NFYC: variants seen among roughly 807,000 people sequenced by gnomAD.
NFYC encodes nuclear transcription factor Y subunit gamma, also known as CAAT box DNA-binding protein subunit C.
Under a neutral mutation model 53.1 loss-of-function variants are expected in NFYC, and 25 were observed. The observed-to-expected ratio is 0.47, with a 90% confidence interval of 0.34 to 0.66. NFYC has a LOEUF of 0.66. Among genes scored for constraint, NFYC ranks in the 30% least tolerant of loss-of-function variants. The pLI, the probability that NFYC is intolerant of heterozygous loss-of-function variation, is 0.01. For synonymous variants in NFYC, 145 were observed against 152.6 expected (o/e 0.95, Z 0.37); for missense variants, 260 against 422.7 (o/e 0.62, Z 3.38).
intron 1 of NFYC, among the ~76,000 whole-genome samples, chr1:40,737,738 A>G (rs1297790150): frequency 6.6e-6 from 1 of 152,164 alleles, no homozygotes; most frequent in African/African-American, 2.4e-5. Context: ...CGAACTGGCA[A>G]GTAGTTTCAT....
intron 6 of NFYC, among the ~76,000 whole-genome samples, chr1:40,760,772 T>C (rs540753755): frequency 1.6e-4 from 24 of 152,318 alleles, no homozygotes; most frequent in African/African-American, 5.1e-4. Flanking sequence ...TCATTTTACT[T>C]ATCCATATAA....
At chr1:40,712,025 G>T (rs1227715408) in intron 1 of NFYC, among the ~76,000 whole-genome samples, 6 of 152,186 alleles carry the variant, frequency 3.9e-5, no homozygotes, top group Non-Finnish European at 8.8e-5. Context: ...GGCGAGTCTT[G>T]AATGAGATCA....
chr1:40,721,499 A>G (rs1347742856), intron 1 of NFYC: 1 of 152,028 alleles, frequency 6.6e-6, no homozygotes, highest in Admixed American at 6.5e-5. Flanking sequence ...AAGACAAAAC[A>G]GGCACGTACT....
At chr1:40,766,571 C>T in intron 7 of NFYC, 25 bp from the exon 8 acceptor site, 3 of 1,564,382 alleles carry the variant, frequency 1.9e-6, no homozygotes, top group Non-Finnish European at 2.6e-6. Flanking sequence ...GTCTTATGGT[C>T]TCTTTGTCTC....
At chr1:40,707,360 G>C (rs948409499) in intron 1 of NFYC, among the ~76,000 whole-genome samples, 10 of 151,286 alleles carry the variant, frequency 6.6e-5, no homozygotes, top group Non-Finnish European at 1.0e-4. Flanking sequence ...TGGGCATGGT[G>C]GTGGGTGCCT....
rs1646564951 is a variant in NFYC, at chr1:40,761,906, T to C, written c.562-982T>C. ...GGTGTACAGGTGTAGTTTAAAAGGC[T>C]CCACCCACGCCCACACCCCCGCCAC... On this transcript the variant is annotated intron_variant, in intron 6 of 9. Coordinates refer to ENST00000447388, the MANE Select transcript of NFYC (RefSeq NM_014223.5). Among the ~76,000 whole-genome samples the C allele has an allele frequency of 2.6e-5, 4 of 152,164 alleles. No homozygotes were observed. The South Asian group carries it at 8.3e-4, about 32-fold the overall frequency.
At chr1:40,745,404 G>A (rs369136206) in intron 2 of NFYC, among the ~76,000 whole-genome samples, 1 of 152,086 alleles carries the variant, frequency 6.6e-6, no homozygotes, top group East Asian at 1.9e-4. Flanking sequence ...TTTCTATGTA[G>A]TGTCATCATC....
intron 8 of NFYC, chr1:40,769,013 T>A (rs1047889111): frequency 4.5e-6 from 1 of 220,730 alleles, no homozygotes; most frequent in Non-Finnish European, 9.2e-6. Flanking sequence ...CTCTTAGGAC[T>A]TCTACCCCAA....
chr1:40,740,732 A>T (rs1165712189), intron 2 of NFYC, among the ~76,000 whole-genome samples: 1 of 152,196 alleles, frequency 6.6e-6, no homozygotes, highest in African/African-American at 2.4e-5. Flanking sequence ...GATTAAGCTT[A>T]TCAGCTTTTG....
At chr1:40,737,901 C>CTTTTTTTTTTTTTTTTT (rs530348029) in intron 1 of NFYC, among the ~76,000 whole-genome samples, 1 of 123,160 alleles carries the variant, frequency 8.1e-6, no homozygotes, top group African/African-American at 3.1e-5. Context: ...TGCTCTCTCT[C>CTTTTTTTTTTTTTTTTT]TTTTTTTTTT....
intron 2 of NFYC, among the ~76,000 whole-genome samples, chr1:40,745,718 C>A (rs980824145): frequency 6.6e-6 from 1 of 152,188 alleles, no homozygotes; most frequent in African/African-American, 2.4e-5. Context: ...CTCCCTCCAG[C>A]CCCACATTGC....
At chr1:40,707,026 C>T (rs1172514511) in intron 1 of NFYC, among the ~76,000 whole-genome samples, 3 of 151,700 alleles carry the variant, frequency 2.0e-5, no homozygotes, top group African/African-American at 4.8e-5. Flanking sequence ...AAAAATTAGT[C>T]GGATGTGGTG....
intron 1 of NFYC, among the ~76,000 whole-genome samples, chr1:40,694,078 C>G (rs1475849745): frequency 2.0e-5 from 3 of 152,200 alleles, no homozygotes; most frequent in South Asian, 2.1e-4. Context: ...TAAAACCAAG[C>G]TTCAGAATAT....
At chr1:40,731,841 G>A (rs754009027) in intron 1 of NFYC, among the ~76,000 whole-genome samples, 4 of 152,174 alleles carry the variant, frequency 2.6e-5, no homozygotes, top group Non-Finnish European at 5.9e-5. Flanking sequence ...ACTTATTTCA[G>A]TGTTTAATAT....
At chr1:40,768,852 A>G (rs954966284) in intron 8 of NFYC, 4 of 156,558 alleles carry the variant, frequency 2.6e-5, no homozygotes, top group African/African-American at 9.6e-5. Flanking sequence ...TGCTGGGACC[A>G]AGGCCACTTG....
intron 1 of NFYC, among the ~76,000 whole-genome samples, chr1:40,710,088 G>A (rs1643885364): frequency 1.3e-5 from 2 of 152,204 alleles, no homozygotes; most frequent in Non-Finnish European, 2.9e-5. Flanking sequence ...TAATGGTGAA[G>A]GCCCACATGC....
chr1:40,691,991 C>G (rs552692222), intron 1 of NFYC, 124 bp downstream of exon 1: 16 of 281,438 alleles, frequency 5.7e-5, no homozygotes, highest in South Asian at 4.1e-4. Flanking sequence ...GTAGCTCGGT[C>G]CGTCCTGCCC....
chr1:40,716,402 G>T (rs967497566), intron 1 of NFYC, among the ~76,000 whole-genome samples: 1 of 152,174 alleles, frequency 6.6e-6, no homozygotes, highest in Non-Finnish European at 1.5e-5. Flanking sequence ...GTTAAGGAGA[G>T]CAGTAAATGG....
intron 3 of NFYC, 150 bp from the exon 4 acceptor site, chr1:40,749,423 C>A (rs576793239): frequency 3.2e-6 from 2 of 633,244 alleles, no homozygotes; most frequent in East Asian, 2.7e-5. Flanking sequence ...TGTTCCCACT[C>A]ATGGATTTAT....
Sources: allele counts gnomAD v4.1 joint callset (sites outside exome capture counted in the v4.1 genomes callset), GRCh38; gene constraint gnomAD v4.1.1; transcripts MANE v1.5; gene names NCBI Gene and HGNC (gene_info 2026-07-23, HGNC 2026-07-21).